Variants in TTN observed in about 807,000 individuals in gnomAD.
TTN encodes the protein connectin.
TTN carries 1,525 observed loss-of-function variants against 3,223.0 expected under a neutral mutation model. The observed-to-expected ratio is 0.47, with a 90% confidence interval of 0.45 to 0.49. The LOEUF is 0.49. Among genes scored for constraint, TTN ranks in the 20% least tolerant of loss-of-function variants. The pLI is 0.00. For synonymous variants in TTN, 14,094 were observed against 15,161.0 expected, an observed-to-expected ratio of 0.93 and a Z score of 5.17; for missense variants, 40,786 against 43,424.0, an observed-to-expected ratio of 0.94 and a Z score of 5.40.
At chr2:178,710,392 A>C (rs568049955) in intron 98 of TTN, among the ~76,000 whole-genome samples, 1 of 152,346 alleles carries the variant, frequency 6.6e-6, no homozygotes, top group African/African-American at 2.4e-5. Flanking sequence ...GGTTGCAGTG[A>C]ACTGAGATCA....
Position 178,712,128 on chromosome 2 carries a change from A to G in TTN, c.27702T>C (p.Ile9234=), listed in dbSNP as rs143368674. 9.6e-4 allele frequency: 1,546 copies of G among 1,613,824 alleles called. No individual in the cohort carries two copies. Among genetic ancestry groups the G allele is most frequent in the Admixed American group, 1.9e-3 (114 of 59,994 alleles). Residue 9234 remains isoleucine, a synonymous_variant, in exon 96 of 363, where the codon ATT becomes ATC. Transcript: ENST00000589042. ...LQCQLAGTPE[I]GVSWYKGDTK... ...TATCTCCTTTATACCAGGATACCCC[A>G]ATTTCAGGGGTTCCAGCAAGCTGGC...
Position 178,636,878 on chromosome 2 carries a change from A to G in TTN, c.40928-79T>C, listed in dbSNP as rs2060501060. On this transcript the variant is annotated intron_variant, in intron 224 of 362. Coordinates refer to ENST00000589042, the MANE Select transcript of TTN (RefSeq NM_001267550.2). This position sits in a 1 kb window ranked among gnomAD's most constrained non-coding sequence, Gnocchi z 4.3. ...GTTCATACTTGGCTGCCTGCTGGATAAAACCAGCCGTAAAGCAATTAGAAG... is the reference window on the plus strand; with the variant it reads ...GTTCATACTTGGCTGCCTGCTGGATGAAACCAGCCGTAAAGCAATTAGAAG... 3.4e-6 allele frequency: 5 copies of G among 1,450,690 alleles called. No homozygotes were observed. The highest frequency in any genetic ancestry group is 4.6e-6 in the Non-Finnish European group (5 of 1,093,096). 89.9% of individuals were successfully genotyped at this position (1,450,690 alleles called of 1,614,324 possible).
chr2:178,794,688 G>T, intron 7 of TTN, 137 bp from the exon 8 acceptor site: 1 of 1,150,254 alleles, frequency 8.7e-7, no homozygotes, highest in Non-Finnish European at 1.3e-6. Flanking sequence ...AAGAAATACA[G>T]AGACTGTATC....
At chr2:178,688,884 A>C (rs1002863889) in intron 125 of TTN, 106 bp from the exon 126 acceptor site, 1 of 1,114,134 alleles carries the variant, frequency 9.0e-7, no homozygotes, top group African/African-American at 1.6e-5. Flanking sequence ...GACTAGCAAA[A>C]TGGGAAAACA....
rs2055731787 is a variant in TTN, at chr2:178,609,290, G to A, written c.52020C>T (p.Leu17340=). 2 of 1,596,946 alleles carry A rather than the reference G, an allele frequency of 1.3e-6. No individual in the cohort carries two copies. Among genetic ancestry groups the A allele is most frequent in the African/African-American group, 1.3e-5 (1 of 74,396 alleles). ...TCATATACAGACCATGGTCAGGTCG[G>A]AGAGAATCTCGGACGCGTAGCTGAG... ...GESQLRVRDS[L]RPDHGLYMIK... is the part of the protein sequence containing the mutation. Residue 17340 remains leucine (L), a synonymous_variant, in exon 273 of 363, where the codon CTC becomes CTT. Transcript: ENST00000589042.
chr2:178,781,395 A>G lies in TTN; in HGVS notation c.3381-132T>C. 12 of 1,017,404 alleles carry G rather than the reference A, an allele frequency of 1.2e-5. No individual in the cohort carries two copies. The South Asian group carries it at 1.4e-4, about 12-fold the overall frequency. 63.0% of individuals were successfully genotyped at this position (1,017,404 alleles called of 1,614,324 possible). A position where few individuals can be genotyped will look rare whatever the true frequency, so the allele number is the denominator to read the frequency against. The stretch of plus-strand genomic sequence containing the variant: ...CCTAAACATATGACTAAGCTCCACA[A>G]TAGATTATAAGATTGCTGAAAATTG... On this transcript the variant is annotated intron_variant, in intron 20 of 362. Transcript: ENST00000589042.
rs1166332833 is a variant in TTN, at chr2:178,614,999, G to A, written c.48639-31C>T. 2.6e-6 allele frequency: 4 copies of A among 1,552,944 alleles called. No homozygotes were observed. In the East Asian group the frequency reaches 9.2e-5, roughly 36 times the overall value. On this transcript the variant is annotated intron_variant, in intron 259 of 362. Transcript: ENST00000589042. Reference sequence around the variant, plus strand: ...AGAAAACAGAATAGGATGTTTTACTGTGATGTCGATAATCGTTTCATTGTG... The same window carrying A: ...AGAAAACAGAATAGGATGTTTTACTATGATGTCGATAATCGTTTCATTGTG...
Position 178,775,455 on chromosome 2 carries a change from C to T in TTN, c.6409G>A (p.Val2137Ile), listed in dbSNP as rs938420145. 1 of 1,614,016 alleles carries T rather than the reference C, an allele frequency of 6.2e-7. No homozygotes were observed. The highest frequency in any genetic ancestry group is 1.7e-5 in the Admixed American group (1 of 59,998). The change falls in exon 28 of 363, where the codon GTC becomes ATC. Residue 2137 changes from valine to isoleucine, a missense_variant. Transcript: ENST00000589042. ...YWPEDNVCEL[V>I]IRDVTAEDSA... ...TCCTCAGCAGTCACATCTCTTATGA[C>T]CAATTCACAAACATTGTCTTCGGGC...
chr2:178,706,644 G>C lies in TTN; in HGVS notation c.29230C>G (p.Arg9744Gly), dbSNP rs375266859. 6.2e-7 allele frequency: 1 copy of C among 1,613,820 alleles called. No homozygotes were observed. The highest frequency in any genetic ancestry group is 8.5e-7 in the Non-Finnish European group (1 of 1,179,836). The change falls in exon 102 of 363, where the codon CGT (arginine) becomes GGT (glycine). Residue 9744 changes from arginine to glycine, a missense_variant. By Grantham distance (125) the Arg-to-Gly change is moderately radical. Coordinates refer to ENST00000589042, the MANE Select transcript of TTN (RefSeq NM_001267550.2). The stretch of plus-strand genomic sequence containing the variant: ...TCGCCTTTTTGGTGGATGAAAACAC[G>C]ACCTCCTTGGTTCAGCTGTCTCCAC... The part of the protein sequence containing the change: ...GKWRQLNQGG[R>G]VFIHQKGDEA...
chr2:178,670,722 CAT>C (rs2066826377), intron 156 of TTN, among the ~76,000 whole-genome samples: 1 of 151,838 alleles, frequency 6.6e-6, no homozygotes, highest in Non-Finnish European at 1.5e-5. Flanking sequence ...ACATTAAACA[CAT>C]ATTCACTATG....
rs370154022 is a variant in TTN at position 178,718,055 on chromosome 2, G to C, written c.24951C>G (p.Asn8317Lys). 1.1e-5 allele frequency: 18 copies of C among 1,613,588 alleles called. No individual in the cohort carries two copies. In the African/African-American group the frequency reaches 2.1e-4, roughly 19 times the overall value. The change falls in exon 86 of 363, where the codon AAC (asparagine) becomes AAG (lysine). Residue 8317 changes from asparagine (N) to lysine (K), a missense_variant. Coordinates refer to ENST00000589042, the MANE Select transcript of TTN (RefSeq NM_001267550.2). ...CTTTGTTGATTACTAAGGAAGCAAC[G>C]TTATTTTTGAATTGCATTTTATATG... Reference protein sequence around the residue: ...APAYKMQFKNNVASLVINKVD... With the variant: ...APAYKMQFKNKVASLVINKVD...
Position 178,577,432 on chromosome 2 carries a change from G to A in TTN, c.68903C>T (p.Ala22968Val), listed in dbSNP as rs1331232420. 1.2e-6 allele frequency: 2 copies of A among 1,610,132 alleles called. No individual in the cohort carries two copies. The highest frequency in any genetic ancestry group is 1.3e-5 in the African/African-American group (1 of 74,776). ...IKAGDTIVLNAISILGKPLPK... is the reference protein window; with the variant it reads ...IKAGDTIVLNVISILGKPLPK... ...AAGGGGTTTGCCAAGAATGCTAATGGCATTCAAAACAATGGTATCCCCTGC... is the reference window on the plus strand; with the variant it reads ...AAGGGGTTTGCCAAGAATGCTAATGACATTCAAAACAATGGTATCCCCTGC... Residue 22968 changes from alanine (A) to valine (V), a missense_variant, in exon 324 of 363, where the codon GCC becomes GTC. Coordinates refer to ENST00000589042, the MANE Select transcript of TTN (RefSeq NM_001267550.2).
rs1189675998 is a variant in TTN, at chr2:178,736,168, CTT to C, written c.14372-96_14372-95del. ...AAGACAGAGAAAAGATGAGTTAAGT[CTT>C]TAGATAGACATGAGCCATAATTTAA... is the stretch of plus-strand genomic sequence containing the variant. On this transcript the variant is annotated intron_variant, in intron 49 of 362. Transcript: ENST00000589042. 2.6e-6 allele frequency: 3 copies of C among 1,146,212 alleles called. No homozygotes were observed. In the African/African-American group the frequency reaches 4.6e-5, roughly 18 times the overall value. The allele number at this position is 1,146,212 out of a possible 1,614,324, so 71.0% of individuals were successfully genotyped here. A position where few individuals can be genotyped will look rare whatever the true frequency, so the allele number is the denominator to read the frequency against.
chr2:178,609,281 G>A lies in TTN; in HGVS notation c.52029C>T (p.Asp17343=). ...QLRVRDSLRP[D]HGLYMIKVEN... is the part of the protein sequence containing the mutation. ...CAACTTTGATCATATACAGACCATGGTCAGGTCGGAGAGAATCTCGGACGC... is the reference window on the plus strand; with the variant it reads ...CAACTTTGATCATATACAGACCATGATCAGGTCGGAGAGAATCTCGGACGC... Residue 17343 remains aspartate, a synonymous_variant, in exon 273 of 363, where the codon GAC becomes GAT. Transcript: ENST00000589042. 1 of 1,586,358 alleles carries A rather than the reference G, an allele frequency of 6.3e-7. No homozygotes were observed.
chr2:178,603,562 A>G (rs2054008766), intron 282 of TTN, among the ~76,000 whole-genome samples: 1 of 151,966 alleles, frequency 6.6e-6, no homozygotes, highest in Admixed American at 6.6e-5. Flanking sequence ...TGAGATAGAA[A>G]TTTATTTAAA....
chr2:178,609,184 G>A (rs1363255074), intron 273 of TTN, 24 bp downstream of exon 273: 1 of 1,471,820 alleles, frequency 6.8e-7, no homozygotes, highest in African/African-American at 1.4e-5. Context: ...TTTTCCATTG[G>A]AAAGTGTAGT....
At chr2:178,700,882 A>T (rs538264367) in intron 111 of TTN, among the ~76,000 whole-genome samples, 1 of 152,202 alleles carries the variant, frequency 6.6e-6, no homozygotes, top group Non-Finnish European at 1.5e-5. Flanking sequence ...ATGTTTCAGT[A>T]ATTTCATTAA....
Position 178,552,943 on chromosome 2 carries a change from T to C in TTN, c.89957A>G (p.Lys29986Arg). The change falls in exon 335 of 363, where the codon AAA (lysine) becomes AGA (arginine). Residue 29986 changes from lysine (K) to arginine (R), a missense_variant. Physicochemically the swap from Lys to Arg is conservative, Grantham distance 26 (BLOSUM62 2). Coordinates refer to ENST00000589042, the MANE Select transcript of TTN (RefSeq NM_001267550.2). ...TKRTWSVVSH[K>R]CSSTSFKLID... ...TAGCTTGAAGGATGTGCTAGAACAT[T>C]TGTGTGACACGACAGACCATGTTCT... 3 of 1,613,622 alleles carry C rather than the reference T, an allele frequency of 1.9e-6. No individual in the cohort carries two copies. Among genetic ancestry groups the C allele is most frequent in the Non-Finnish European group, 2.5e-6 (3 of 1,179,798 alleles).
At chr2:178,756,881 A>G in intron 45 of TTN, 84 bp from the exon 46 acceptor site, 2 of 1,249,270 alleles carry the variant, frequency 1.6e-6, no homozygotes, top group South Asian at 1.4e-5. Flanking sequence ...ACAAAATGGC[A>G]TGGAAGATGA....
Sources: gnomAD v4.1 joint callset for allele counts (sites outside exome capture counted in the v4.1 genomes callset) on GRCh38, gnomAD v4.1.1 for gene constraint, Gnocchi (gnomAD v3.1) non-coding constraint, MANE v1.5 for transcripts, NCBI Gene and HGNC (gene_info 2026-07-23, HGNC 2026-07-21) for gene names.